Variants in ST6GALNAC3 observed in about 807,000 individuals in gnomAD.
The protein encoded by ST6GALNAC3 is ST6 N-acetylgalactosaminide alpha-2,6-sialyltransferase 3, also known as alpha-N-acetylgalactosaminide alpha-2,6-sialyltransferase 3.
A neutral mutation model predicts 32.7 loss-of-function variants in ST6GALNAC3; 25 were observed. The ratio of observed to expected loss-of-function variants is 0.76; its 90% CI spans 0.56 to 1.07. ST6GALNAC3 has a LOEUF of 1.07. Among genes scored for constraint, ST6GALNAC3 ranks in the 50% least tolerant of loss-of-function variants. The probability of loss-of-function intolerance (pLI) is 0.00; values close to 1 mark genes in which losing one functional copy is unlikely to be tolerated. For missense variants in ST6GALNAC3, 355 were observed against 382.4 expected, an observed-to-expected ratio of 0.93 and a Z score of 0.60; for synonymous variants, 129 against 133.1, an observed-to-expected ratio of 0.97 and a Z score of 0.21.
intron 1 of ST6GALNAC3, among the ~76,000 whole-genome samples, chr1:76,291,337 G>C (rs1164966926): frequency 1.3e-5 from 2 of 152,230 alleles, no homozygotes; most frequent in African/African-American, 4.8e-5. Context: ...CCAGCCGAAG[G>C]GGCATCCTGC....
intron 3 of ST6GALNAC3, among the ~76,000 whole-genome samples, chr1:76,545,284 T>C (rs1664224301): frequency 6.6e-6 from 1 of 152,230 alleles, no homozygotes; most frequent in Non-Finnish European, 1.5e-5. Flanking sequence ...CTATGCATTT[T>C]GTAGCATTCC....
chr1:76,142,314 A>T (rs1265631690), intron 1 of ST6GALNAC3, among the ~76,000 whole-genome samples: 1 of 152,202 alleles, frequency 6.6e-6, no homozygotes, highest in East Asian at 1.9e-4. Context: ...TTCACATGAC[A>T]GAGTAGATGT....
chr1:76,215,468 CT>C, intron 1 of ST6GALNAC3, among the ~76,000 whole-genome samples: 1 of 152,170 alleles, frequency 6.6e-6, no homozygotes, highest in East Asian at 1.9e-4. Flanking sequence ...TGGGATGCAG[CT>C]TTGGCATTGG....
intron 2 of ST6GALNAC3, among the ~76,000 whole-genome samples, chr1:76,350,974 G>GA (rs576978773): frequency 1.3e-5 from 2 of 152,248 alleles, no homozygotes; most frequent in South Asian, 4.1e-4. Flanking sequence ...ATGTGACTAA[G>GA]AAAAGTGTTT....
At chr1:76,311,949 C>T (rs1439478860) in intron 1 of ST6GALNAC3, among the ~76,000 whole-genome samples, 2 of 152,150 alleles carry the variant, frequency 1.3e-5, no homozygotes, top group Non-Finnish European at 2.9e-5. Flanking sequence ...TCTGTTGTTT[C>T]CTGACTTTTT....
chr1:76,548,107 C>T (rs536463307), intron 3 of ST6GALNAC3, among the ~76,000 whole-genome samples: 80 of 152,242 alleles, frequency 5.3e-4, no homozygotes, highest in African/African-American at 1.9e-3. Context: ...AGAGGGCTTC[C>T]TCAAACAAGC....
intron 3 of ST6GALNAC3, among the ~76,000 whole-genome samples, chr1:76,492,524 C>A (rs956599621): frequency 6.6e-6 from 1 of 152,118 alleles, no homozygotes; most frequent in Non-Finnish European, 1.5e-5. Context: ...GATTGACAGT[C>A]GCTTATCACC....
chr1:76,593,003 T>G (rs1367417232), intron 3 of ST6GALNAC3, among the ~76,000 whole-genome samples: 1 of 152,192 alleles, frequency 6.6e-6, no homozygotes, highest in Non-Finnish European at 1.5e-5. Context: ...TCCTCCTTTT[T>G]TTTTTGTTTA....
intron 2 of ST6GALNAC3, among the ~76,000 whole-genome samples, chr1:76,392,264 A>G (rs1365040032): frequency 6.6e-6 from 1 of 152,196 alleles, no homozygotes; most frequent in Non-Finnish European, 1.5e-5. Context: ...TTAAGTAGAG[A>G]AATTTTTTTA....
At chr1:76,499,786 G>A (rs1661072021) in intron 3 of ST6GALNAC3, among the ~76,000 whole-genome samples, 3 of 152,184 alleles carry the variant, frequency 2.0e-5, no homozygotes, top group Non-Finnish European at 4.4e-5. Context: ...AGAATTGACA[G>A]ATGGAGGAAT....
rs555375660 is a variant in ST6GALNAC3, at chr1:76,561,833, G to T, written c.624-65619G>T. Among the ~76,000 whole-genome samples, 21 of 152,268 alleles carry T rather than the reference G, an allele frequency of 1.4e-4. No homozygotes were observed. In the South Asian group the frequency reaches 3.9e-3, roughly 29 times the overall value. Reference sequence around the variant, plus strand: ...TTTTCAAAGCAGCATTATTTTTACAGTCAAAGAGTGGAAGGAACCTACATG... The same window carrying T: ...TTTTCAAAGCAGCATTATTTTTACATTCAAAGAGTGGAAGGAACCTACATG... On this transcript the variant is annotated intron_variant, in intron 3 of 4. Coordinates refer to ENST00000328299, the MANE Select transcript of ST6GALNAC3 (RefSeq NM_152996.4).
intron 1 of ST6GALNAC3, among the ~76,000 whole-genome samples, chr1:76,287,907 G>A (rs1341336911): frequency 6.6e-6 from 1 of 152,212 alleles, no homozygotes; most frequent in Non-Finnish European, 1.5e-5. Flanking sequence ...TGAAGAAATG[G>A]AGGCACAAAG....
chr1:76,590,863 G>C (rs1266900060), intron 3 of ST6GALNAC3, among the ~76,000 whole-genome samples: 1 of 152,068 alleles, frequency 6.6e-6, no homozygotes, highest in Non-Finnish European at 1.5e-5. Flanking sequence ...ACCTTGGTTG[G>C]TTATTATGAA....
intron 1 of ST6GALNAC3, among the ~76,000 whole-genome samples, chr1:76,284,989 G>A (rs1324879799): frequency 6.6e-6 from 1 of 152,130 alleles, no homozygotes; most frequent in Non-Finnish European, 1.5e-5. Flanking sequence ...CAATCCTGCT[G>A]CCTTCACCCA....
At chr1:76,294,104 C>T (rs976933474) in intron 1 of ST6GALNAC3, among the ~76,000 whole-genome samples, 6 of 152,104 alleles carry the variant, frequency 3.9e-5, no homozygotes, top group African/African-American at 7.2e-5. Flanking sequence ...ACCTTGCTAA[C>T]GGAATTGCTA....
At chr1:76,212,025 T>G (rs7414129) in intron 1 of ST6GALNAC3, among the ~76,000 whole-genome samples, 103,441 of 152,108 alleles carry the variant, frequency 0.68, 38,101 homozygotes, top group East Asian at 0.93. Flanking sequence ...TTGGGGGGCA[T>G]AATTCAGTTC....
At chr1:76,171,667 GC>G (rs779421681) in intron 1 of ST6GALNAC3, among the ~76,000 whole-genome samples, 72 of 152,028 alleles carry the variant, frequency 4.7e-4, no homozygotes, top group Non-Finnish European at 8.1e-4. Flanking sequence ...ACAACTCGAT[GC>G]AAATAAACTA....
intron 2 of ST6GALNAC3, among the ~76,000 whole-genome samples, chr1:76,410,321 C>CT (rs1654142756): frequency 6.6e-6 from 1 of 152,048 alleles, no homozygotes; most frequent in African/African-American, 2.4e-5. Context: ...TGCAGGAAAG[C>CT]TTTTTTCCTA....
chr1:76,364,218 T>A (rs778969765), intron 2 of ST6GALNAC3, among the ~76,000 whole-genome samples: 1 of 152,134 alleles, frequency 6.6e-6, no homozygotes, highest in Non-Finnish European at 1.5e-5. Context: ...CAAGGAGGCT[T>A]TGAAGAGAAT....
Sources: allele counts gnomAD v4.1 joint callset (sites outside exome capture counted in the v4.1 genomes callset), GRCh38; gene constraint gnomAD v4.1.1; transcripts MANE v1.5; gene names NCBI Gene and HGNC (gene_info 2026-07-23, HGNC 2026-07-21).